Variants in GRM5 observed in about 807,000 individuals in gnomAD.
The protein encoded by GRM5 is metabotropic glutamate receptor 5.
Under a neutral mutation model 83.1 loss-of-function variants are expected in GRM5, and 19 were observed. The ratio of observed to expected loss-of-function variants is 0.23; its 90% CI spans 0.16 to 0.34. GRM5 has a LOEUF of 0.34. Ranked by LOEUF, GRM5 falls within the 10% of genes least tolerant of loss-of-function variation. GRM5 has a pLI of 1.00. For synonymous variants in GRM5, 675 were observed against 633.6 expected (o/e 1.07, Z -0.98); for missense variants, 1,160 against 1,588.3 (o/e 0.73, Z 4.58).
intron 2 of GRM5, among the ~76,000 whole-genome samples, chr11:88,962,973 C>A (rs1938829254): frequency 6.6e-6 from 1 of 152,150 alleles, no homozygotes; most frequent in Non-Finnish European, 1.5e-5. Flanking sequence ...CCTGTAGTCC[C>A]AACTACTCAG....
intron 1 of GRM5, among the ~76,000 whole-genome samples, chr11:89,064,849 T>G (rs1942062318): frequency 7.2e-6 from 1 of 139,526 alleles, no homozygotes; most frequent in African/African-American, 2.7e-5. Flanking sequence ...TATTCATTTT[T>G]CATATTCTCT....
chr11:88,953,482 C>G (rs1938522518), intron 2 of GRM5, among the ~76,000 whole-genome samples: 1 of 152,162 alleles, frequency 6.6e-6, no homozygotes, highest in South Asian at 2.1e-4. Flanking sequence ...GTACACGAAG[C>G]AGAAATGTAA....
chr11:89,045,863 A>G (rs1050060401), intron 2 of GRM5, among the ~76,000 whole-genome samples: 2 of 152,172 alleles, frequency 1.3e-5, no homozygotes, highest in African/African-American at 4.8e-5. Context: ...TTTCACTGAA[A>G]GCCATCCCTG....
chr11:88,821,274 C>T (rs12280924), intron 3 of GRM5, among the ~76,000 whole-genome samples: 1 of 135,450 alleles, frequency 7.4e-6, no homozygotes, highest in African/African-American at 2.8e-5. Context: ...CTCCTGTTTT[C>T]TATTAAAAGG....
At chr11:88,776,930 T>A (rs1157207338) in intron 3 of GRM5, among the ~76,000 whole-genome samples, 1 of 152,208 alleles carries the variant, frequency 6.6e-6, no homozygotes, top group African/African-American at 2.4e-5. Flanking sequence ...GGGTTGCTCT[T>A]CTTGAGGAGA....
At chr11:88,557,762 T>TA in intron 8 of GRM5, among the ~76,000 whole-genome samples, 1 of 152,052 alleles carries the variant, frequency 6.6e-6, no homozygotes, top group East Asian at 1.9e-4. Flanking sequence ...TTTTTTTTTT[T>TA]TTTTTAATAC....
At chr11:89,012,460 G>A (rs1698794522) in intron 2 of GRM5, among the ~76,000 whole-genome samples, 1 of 152,144 alleles carries the variant, frequency 6.6e-6, no homozygotes, top group Non-Finnish European at 1.5e-5. Flanking sequence ...TGGTGAGAGA[G>A]TCTATTTGGT....
intron 3 of GRM5, among the ~76,000 whole-genome samples, chr11:88,698,495 C>G (rs7480550): frequency 0.98 from 148,576 of 152,258 alleles, 72,613 homozygotes; most frequent in East Asian, 1. Flanking sequence ...AAACCATATG[C>G]TCTGTTTCAG....
At chr11:88,772,413 T>C (rs1942757292) in intron 3 of GRM5, among the ~76,000 whole-genome samples, 1 of 150,688 alleles carries the variant, frequency 6.6e-6, no homozygotes. Flanking sequence ...CTTTTTTTAT[T>C]TTTTTTTTAC....
intron 3 of GRM5, among the ~76,000 whole-genome samples, chr11:88,823,978 C>G (rs867126992): frequency 6.6e-6 from 1 of 152,134 alleles, no homozygotes; most frequent in African/African-American, 2.4e-5. Context: ...CCAGAAGTAA[C>G]TGCTATCACA....
At chr11:88,662,402 A>G (rs1457855095) in intron 3 of GRM5, among the ~76,000 whole-genome samples, 10 of 152,158 alleles carry the variant, frequency 6.6e-5, no homozygotes, top group Non-Finnish European at 1.5e-4. Context: ...AGAGACATGT[A>G]TTGGAAAACA....
chr11:88,683,496 G>A (rs1416821713), intron 3 of GRM5, among the ~76,000 whole-genome samples: 1 of 152,016 alleles, frequency 6.6e-6, no homozygotes, highest in African/African-American at 2.4e-5. Flanking sequence ...TGATTTTCTG[G>A]GTATAATGTG....
At chr11:88,858,666 C>T (rs1009544065) in intron 2 of GRM5, among the ~76,000 whole-genome samples, 1 of 152,100 alleles carries the variant, frequency 6.6e-6, no homozygotes, top group South Asian at 2.1e-4. Context: ...GCCCTGGAAT[C>T]GAAAGTTGAT....
At chr11:88,707,510 C>T (rs1941190397) in intron 3 of GRM5, among the ~76,000 whole-genome samples, 1 of 152,052 alleles carries the variant, frequency 6.6e-6, no homozygotes, top group Non-Finnish European at 1.5e-5. Context: ...GTTTCTATGC[C>T]ACAGGGCCTC....
intron 2 of GRM5, among the ~76,000 whole-genome samples, chr11:88,863,685 T>C (rs1387294629): frequency 6.6e-6 from 1 of 151,170 alleles, no homozygotes; most frequent in Non-Finnish European, 1.5e-5. Context: ...AAAGGAATTA[T>C]GTTTAATTAG....
chr11:88,766,931 A>C (rs910195481), intron 3 of GRM5, among the ~76,000 whole-genome samples: 35 of 152,150 alleles, frequency 2.3e-4, no homozygotes, highest in African/African-American at 7.5e-4. Flanking sequence ...ACATGTGACC[A>C]ACTAGTATAT....
intron 3 of GRM5, among the ~76,000 whole-genome samples, chr11:88,741,285 A>T (rs2135416620): frequency 6.6e-6 from 1 of 152,176 alleles, no homozygotes. Flanking sequence ...CAACTGGACC[A>T]GTACAGTAGG....
chr11:88,990,329 G>A, intron 2 of GRM5, among the ~76,000 whole-genome samples: 1 of 151,922 alleles, frequency 6.6e-6, no homozygotes, highest in East Asian at 1.9e-4. Flanking sequence ...TTGAATCTCT[G>A]AATAGACCAA....
chr11:88,660,438 G>T (rs897006181), intron 3 of GRM5, among the ~76,000 whole-genome samples: 1 of 152,152 alleles, frequency 6.6e-6, no homozygotes, highest in Admixed American at 6.6e-5. Flanking sequence ...TGGCAACATG[G>T]TTATTTATTA....
Sources: allele counts gnomAD v4.1 joint callset (sites outside exome capture counted in the v4.1 genomes callset), GRCh38; gene constraint gnomAD v4.1.1; transcripts MANE v1.5; gene names NCBI Gene and HGNC (gene_info 2026-07-23, HGNC 2026-07-21).